The following ARHGEF26 variants were observed in gnomAD, a reference collection of about 807,000 sequenced individuals.
ARHGEF26 encodes Rho guanine nucleotide exchange factor 26.
Under a neutral mutation model 89.4 loss-of-function variants are expected in ARHGEF26, and 59 were observed. The observed-to-expected ratio is 0.66, with a 90% CI of 0.54 to 0.82. ARHGEF26 has a LOEUF of 0.82. Among genes scored for constraint, ARHGEF26 ranks in the 40% least tolerant of loss-of-function variants. The pLI is 0.00. For synonymous variants in ARHGEF26, 500 were observed against 428.4 expected, an observed-to-expected ratio of 1.17 and a Z score of -2.06; for missense variants, 1,234 against 1,085.6, an observed-to-expected ratio of 1.14 and a Z score of -1.92.
chr3:154,245,335 C>T (rs1380817838), intron 12 of ARHGEF26, among the ~76,000 whole-genome samples: 2 of 152,108 alleles, frequency 1.3e-5, no homozygotes, highest in Non-Finnish European at 2.9e-5. Context: ...GGCCTCAATC[C>T]GTAGGCTTTA....
chr3:154,194,659 A>C lies in ARHGEF26; in HGVS notation c.1786A>C (p.Thr596Pro). 1 of 1,611,896 alleles carries C rather than the reference A, an allele frequency of 6.2e-7. No homozygotes were observed. The highest frequency in any genetic ancestry group is 8.5e-7 in the Non-Finnish European group (1 of 1,178,978). The part of the protein sequence containing the change: ...PLLMDTICQK[T>P]PKDSPKYEVC... ...TTCATTACAGACTATCTGTCAAAAAACACCTAAGGACTCTCCGAAGTATGA... is the reference window on the plus strand; with the variant it reads ...TTCATTACAGACTATCTGTCAAAAACCACCTAAGGACTCTCCGAAGTATGA... Residue 596 changes from threonine to proline, a missense_variant, in exon 9 of 15, where the codon ACA becomes CCA. Coordinates refer to ENST00000465093, the MANE Select transcript of ARHGEF26 (RefSeq NM_015595.4).
At chr3:154,168,030 T>G (rs1030126160) in intron 6 of ARHGEF26, among the ~76,000 whole-genome samples, 1 of 152,342 alleles carries the variant, frequency 6.6e-6, no homozygotes, top group African/African-American at 2.4e-5. Context: ...AATTTATTTA[T>G]CTTAGTAAGC....
chr3:154,236,981 C>T (rs905685958), intron 11 of ARHGEF26, among the ~76,000 whole-genome samples: 2 of 152,160 alleles, frequency 1.3e-5, no homozygotes, highest in African/African-American at 4.8e-5. Flanking sequence ...GTTCCTTGTT[C>T]AGGCATATTC....
chr3:154,122,166 G>T lies in ARHGEF26; in HGVS notation c.174G>T (p.Thr58=), dbSNP rs778920402. The part of the protein sequence containing the change: ...ITDFPVEDGG[T]LLAAQIPAQV... ...ATTTCCCGGTGGAGGACGGAGGGAC[G>T]CTCCTCGCAGCGCAGATTCCCGCCC... Residue 58 remains threonine (T), a synonymous_variant, in exon 2 of 15, where the codon ACG becomes ACT. Coordinates refer to ENST00000465093, the MANE Select transcript of ARHGEF26 (RefSeq NM_015595.4). 1.1e-4 allele frequency: 172 copies of T among 1,598,346 alleles called. 1 individual carries two copies. Among genetic ancestry groups the T allele is most frequent in the Non-Finnish European group, 1.4e-4 (165 of 1,172,660 alleles).
chr3:154,156,570 C>T (rs1388348655), intron 6 of ARHGEF26, among the ~76,000 whole-genome samples: 1 of 152,104 alleles, frequency 6.6e-6, no homozygotes, highest in Non-Finnish European at 1.5e-5. Flanking sequence ...TACATGATAA[C>T]TCTGTCTATA....
At chr3:154,170,603 T>C (rs1712369464) in intron 6 of ARHGEF26, among the ~76,000 whole-genome samples, 1 of 152,224 alleles carries the variant, frequency 6.6e-6, no homozygotes, top group Non-Finnish European at 1.5e-5. Context: ...GCAAAATACC[T>C]AACATCTTTG....
In ARHGEF26 at chr3:154,209,502, C is replaced by T. The variant is rs186715947; in HGVS notation, c.1846-8367C>T. 4.4e-3 allele frequency among the ~76,000 whole-genome samples: 669 copies of T among 152,314 alleles called. 3 individuals are homozygous for T. Among genetic ancestry groups the T allele is most frequent in the African/African-American group, 0.015 (638 of 41,576 alleles). ...AAGCCCAGTAACGCTGTGGTTCTTG[C>T]AGATTCATATAGGTACCACCTTGAT... On this transcript the variant is annotated intron_variant, in intron 9 of 14. Transcript: ENST00000465093.
intron 6 of ARHGEF26, among the ~76,000 whole-genome samples, chr3:154,174,584 T>C (rs545025989): frequency 3.9e-5 from 6 of 152,322 alleles, no homozygotes; most frequent in African/African-American, 1.2e-4. Context: ...TTTGAGGCAT[T>C]GAGGAAATAC....
intron 4 of ARHGEF26, among the ~76,000 whole-genome samples, chr3:154,130,147 A>ATATTTT (rs1718595965): frequency 9.4e-6 from 1 of 105,970 alleles, no homozygotes; most frequent in Non-Finnish European, 1.7e-5. Context: ...TTCCTTGGAA[A>ATATTTT]TTTTTTTTTT....
chr3:154,130,254 C>T (rs1718607162), intron 4 of ARHGEF26, among the ~76,000 whole-genome samples: 1 of 143,412 alleles, frequency 7.0e-6, no homozygotes, highest in African/African-American at 2.6e-5. Flanking sequence ...GATTCTCCTG[C>T]CTCAGCCTCC....
intron 9 of ARHGEF26, among the ~76,000 whole-genome samples, chr3:154,216,401 T>G (rs1181326140): frequency 6.6e-6 from 1 of 151,784 alleles, no homozygotes; most frequent in Non-Finnish European, 1.5e-5. Flanking sequence ...CAAATTTAAC[T>G]GATGGCCTTA....
chr3:154,188,536 T>C (rs1239398263), intron 7 of ARHGEF26, among the ~76,000 whole-genome samples: 1 of 152,240 alleles, frequency 6.6e-6, no homozygotes, highest in African/African-American at 2.4e-5. Context: ...ATATGTATTT[T>C]AAAGAGTCCT....
chr3:154,138,670 A>G (rs1460541835), intron 4 of ARHGEF26, among the ~76,000 whole-genome samples: 4 of 152,212 alleles, frequency 2.6e-5, no homozygotes, highest in African/African-American at 9.6e-5. Context: ...TTATGGGCAT[A>G]ACTACAAAGG....
At chr3:154,176,799 TA>T (rs1055855699) in intron 6 of ARHGEF26, among the ~76,000 whole-genome samples, 12 of 152,250 alleles carry the variant, frequency 7.9e-5, no homozygotes, top group African/African-American at 2.4e-4. Flanking sequence ...TTTTACCTTT[TA>T]AAAAAATACA....
At chr3:154,227,173 A>T (rs1176583326) in intron 11 of ARHGEF26, among the ~76,000 whole-genome samples, 11 of 152,218 alleles carry the variant, frequency 7.2e-5, no homozygotes, top group African/African-American at 2.7e-4. Context: ...ACAATGATAC[A>T]TACATTAAAA....
At chr3:154,129,770 G>C in intron 4 of ARHGEF26, 51 bp downstream of exon 4, 2 of 1,550,668 alleles carry the variant, frequency 1.3e-6, no homozygotes, top group East Asian at 4.6e-5. Flanking sequence ...ACAAGTTTTG[G>C]AAATTATGTG....
At chr3:154,222,689 T>A (rs1199003687) in intron 10 of ARHGEF26, among the ~76,000 whole-genome samples, 2 of 152,164 alleles carry the variant, frequency 1.3e-5, no homozygotes. Flanking sequence ...GTGAAGCAGT[T>A]GAAGCAGATT....
intron 11 of ARHGEF26, among the ~76,000 whole-genome samples, chr3:154,228,441 T>TTTTTTTTTCTTTTTC (rs1384463866): frequency 1.3e-5 from 2 of 151,704 alleles, no homozygotes; most frequent in South Asian, 2.1e-4. Flanking sequence ...CTGGCCTTTT[T>TTTTTTTTTCTTTTTC]TTTTTTTTCT....
chr3:154,248,640 ACAT>A (rs906099841), intron 12 of ARHGEF26, among the ~76,000 whole-genome samples: 8 of 152,152 alleles, frequency 5.3e-5, no homozygotes, highest in Admixed American at 3.3e-4. Context: ...CAGCAGGAAA[ACAT>A]CATTGACCCG....
Sources: gnomAD v4.1 joint callset for allele counts (sites outside exome capture counted in the v4.1 genomes callset) on GRCh38, gnomAD v4.1.1 for gene constraint, MANE v1.5 for transcripts, NCBI Gene and HGNC (gene_info 2026-07-23, HGNC 2026-07-21) for gene names.